Variants in PMF1 observed in about 807,000 individuals in gnomAD.
PMF1 encodes the protein polyamine modulated factor 1, also known as polyamine-modulated factor 1.
A neutral mutation model predicts 26.7 loss-of-function variants in PMF1; 21 were observed. The ratio of observed to expected loss-of-function variants is 0.79; its 90% CI spans 0.56 to 1.13. The LOEUF (loss-of-function observed/expected upper bound fraction) is 1.13, where lower values mean the gene tolerates loss of function less well. Ranked by LOEUF, PMF1 falls within the 50% of genes most tolerant of loss-of-function variation. PMF1 has a pLI of 0.00. For synonymous variants in PMF1, 105 were observed against 101.0 expected, an observed-to-expected ratio of 1.04 and a Z score of -0.24; for missense variants, 266 against 254.9, an observed-to-expected ratio of 1.04 and a Z score of -0.30.
intron 3 of PMF1, 131 bp downstream of exon 3, chr1:156,233,859 T>G: frequency 1.3e-6 from 1 of 784,662 alleles, no homozygotes. Flanking sequence ...TAAGCTGTCC[T>G]CCCACCTTGA....
At chr1:156,231,815 C>T (rs1010573005) in intron 1 of PMF1, among the ~76,000 whole-genome samples, 1 of 152,176 alleles carries the variant, frequency 6.6e-6, no homozygotes, top group African/African-American at 2.4e-5. Context: ...TGCCCTCAGG[C>T]CAGGGCCCCC....
intron 1 of PMF1, among the ~76,000 whole-genome samples, chr1:156,229,762 G>A (rs1014753890): frequency 2.6e-5 from 4 of 152,020 alleles, no homozygotes; most frequent in Non-Finnish European, 5.9e-5. Flanking sequence ...TAGTAGAGAC[G>A]AGGTTTCTCC....
At position 156,239,753 on chromosome 1, in the gene PMF1, A is replaced by T. The variant is rs1659241702; in HGVS notation, c.*152A>T. ...TTTGCTGGAGGACTAGGCCAGAGCA[A>T]GCCTCACTGCCACTGTGCCTTTGGG... is the stretch of plus-strand genomic sequence containing the variant. On this transcript the variant is annotated 3_prime_UTR_variant, in exon 5 of 5. Transcript: ENST00000368277. 1.5e-6 allele frequency: 1 copy of T among 648,300 alleles called. No individual in the cohort carries two copies. The allele number at this position is 648,300 out of a possible 1,614,324, so 40.2% of individuals were successfully genotyped here.
intron 1 of PMF1, among the ~76,000 whole-genome samples, chr1:156,228,881 C>T (rs989230176): frequency 3.9e-5 from 6 of 152,092 alleles, no homozygotes; most frequent in African/African-American, 1.4e-4. Flanking sequence ...GAATGCCCAT[C>T]GTCTATTCTG....
rs369050130 is a variant in PMF1 at position 156,213,060 on chromosome 1, A to G, written c.45A>G (p.Glu15=). 6.8e-6 allele frequency: 11 copies of G among 1,614,210 alleles called. No homozygotes were observed. Among genetic ancestry groups the G allele is most frequent in the Non-Finnish European group, 9.3e-6 (11 of 1,180,016 alleles). ...SSANLGSGCE[E]KRHEGSSSES... is the part of the protein sequence containing the mutation. ...CCAATCTAGGCAGCGGCTGTGAGGA[A>G]AAAAGGCATGAGGGGTCGTCTTCGG... Residue 15 remains glutamate (E), a synonymous_variant, in exon 1 of 5, where the codon GAA becomes GAG. Coordinates refer to ENST00000368277, the MANE Select transcript of PMF1 (RefSeq NM_007221.4).
chr1:156,229,302 C>A (rs1658563647), intron 1 of PMF1, among the ~76,000 whole-genome samples: 1 of 151,898 alleles, frequency 6.6e-6, no homozygotes, highest in Admixed American at 6.6e-5. Context: ...CCACTCTGAC[C>A]CAGAAGTGTA....
chr1:156,225,430 G>T (rs1300805442), intron 1 of PMF1: 7 of 609,878 alleles, frequency 1.1e-5, no homozygotes, highest in African/African-American at 1.8e-5. Flanking sequence ...CCAGTATGTA[G>T]TCTTTTATCC....
At position 156,232,435 on chromosome 1, in the gene PMF1, G is replaced by A. The variant is rs750038802; in HGVS notation, c.267+10G>A. On this transcript the variant is annotated intron_variant, in intron 2 of 4. Transcript: ENST00000368277. ...GCAGACATCTATCCGGGTGAGTGGC[G>A]GGAAGCCTGGCAGGTGCTGTTGACT... The A allele has an allele frequency of 4.2e-5, 68 of 1,612,918 alleles. No individual in the cohort carries two copies. In the South Asian group the frequency reaches 6.0e-4, roughly 14 times the overall value.
At position 156,225,691 on chromosome 1, in the gene PMF1, G is replaced by T. The variant is rs72708297; in HGVS notation, c.162-6629G>T. Reference sequence around the variant, plus strand: ...AAGGCAAGTCCTGGCTCCTTTTTTGGCTCCCTTAGCACTGTGTACACCGTG... The same window carrying T: ...AAGGCAAGTCCTGGCTCCTTTTTTGTCTCCCTTAGCACTGTGTACACCGTG... On this transcript the variant is annotated intron_variant, in intron 1 of 4. Transcript: ENST00000368277. 2.6e-3 allele frequency: 3,366 copies of T among 1,299,362 alleles called. 9 individuals carry two copies. Among genetic ancestry groups the T allele is most frequent in the Non-Finnish European group, 3.4e-3 (3,103 of 917,514 alleles). The allele number at this position is 1,299,362 out of a possible 1,614,324, so 80.5% of individuals were successfully genotyped here. A position where few individuals can be genotyped will look rare whatever the true frequency, so the allele number is the denominator to read the frequency against.
At chr1:156,220,230 C>A (rs1658008189) in intron 1 of PMF1, among the ~76,000 whole-genome samples, 1 of 151,960 alleles carries the variant, frequency 6.6e-6, no homozygotes, top group Admixed American at 6.6e-5. Flanking sequence ...TCCCAAAGTG[C>A]TGGGATTACA....
In PMF1 at chr1:156,221,674, A is replaced by G. The variant is rs533406646; in HGVS notation, c.161+8498A>G. Among the ~76,000 whole-genome samples the G allele has an allele frequency of 6.6e-5, 10 of 152,330 alleles. No individual in the cohort carries two copies. The South Asian group carries it at 2.1e-3, about 32-fold the overall frequency. ...TGAGTTTCAGACCTCTAACTCCAAC[A>G]GTCTACTACTACAAATCTCCATTTG... On this transcript the variant is annotated intron_variant, in intron 1 of 4. Transcript: ENST00000368277.
chr1:156,223,270 C>G (rs1658182092), intron 1 of PMF1: 1 of 152,254 alleles, frequency 6.6e-6, no homozygotes, highest in Non-Finnish European at 1.5e-5. Context: ...AGCTGTGCTT[C>G]CTGAAGCCAC....
In PMF1 at chr1:156,239,670, G is replaced by C. The variant is rs1261082019; in HGVS notation, c.*69G>C. On this transcript the variant is annotated 3_prime_UTR_variant, in exon 5 of 5. Coordinates refer to ENST00000368277, the MANE Select transcript of PMF1 (RefSeq NM_007221.4). ...GCCTGTGGTCCAGCATGCCTGGCCT[G>C]GGCGGGCTACCTCTGAGAACGGCTG... is the stretch of plus-strand genomic sequence containing the variant. 1.8e-5 allele frequency: 24 copies of C among 1,347,184 alleles called. No individual in the cohort carries two copies. Among genetic ancestry groups the C allele is most frequent in the Admixed American group, 5.2e-5 (3 of 57,712 alleles). 83.5% of individuals were successfully genotyped at this position (1,347,184 alleles called of 1,614,324 possible). A position where few individuals can be genotyped will look rare whatever the true frequency, so the allele number is the denominator to read the frequency against.
At chr1:156,214,594 T>C (rs1318669815) in intron 1 of PMF1, among the ~76,000 whole-genome samples, 1 of 152,076 alleles carries the variant, frequency 6.6e-6, no homozygotes, top group Non-Finnish European at 1.5e-5. Context: ...AAGGCCATTA[T>C]TATGTGTCAA....
chr1:156,228,208 G>A (rs921127391), intron 1 of PMF1, among the ~76,000 whole-genome samples: 2 of 132,122 alleles, frequency 1.5e-5, no homozygotes, highest in Non-Finnish European at 3.2e-5. Context: ...TGCCCGCCTC[G>A]GCCTCCCAAA....
chr1:156,237,792 T>C (rs1396450531), intron 4 of PMF1, among the ~76,000 whole-genome samples: 1 of 152,104 alleles, frequency 6.6e-6, no homozygotes, highest in Non-Finnish European at 1.5e-5. Context: ...AGTCTTGCTC[T>C]GTTGCCCAGG....
In PMF1 at chr1:156,217,159, A is replaced by G. The variant is rs1314499704; in HGVS notation, c.161+3983A>G. 1.2e-4 allele frequency among the ~76,000 whole-genome samples: 18 copies of G among 150,128 alleles called. 1 individual carries two copies. The Admixed American group carries it at 1.2e-3, about 10-fold the overall frequency. ...GATGACGAGTTAGTGGGTGCAGCGC[A>G]CCAGCATGGCACATGTATACATATG... On this transcript the variant is annotated intron_variant, in intron 1 of 4. Coordinates refer to ENST00000368277, the MANE Select transcript of PMF1 (RefSeq NM_007221.4).
At chr1:156,231,367 A>G (rs1198568833) in intron 1 of PMF1, among the ~76,000 whole-genome samples, 1 of 151,838 alleles carries the variant, frequency 6.6e-6, no homozygotes, top group African/African-American at 2.4e-5. Flanking sequence ...GTGTCACTGC[A>G]CTCCAGCCCA....
intron 1 of PMF1, among the ~76,000 whole-genome samples, chr1:156,228,168 TAGGTGATCTGCTCCTGACCTC>T (rs1020719962): frequency 4.7e-5 from 7 of 147,870 alleles, no homozygotes; most frequent in Non-Finnish European, 8.9e-5. Flanking sequence ...CTCCTGACCT[TAGGTGATCTGCTCCTGACCTC>T]AGGTGATCTG....
Sources: gnomAD v4.1 joint callset for allele counts (sites outside exome capture counted in the v4.1 genomes callset) on GRCh38, gnomAD v4.1.1 for gene constraint, MANE v1.5 for transcripts, NCBI Gene and HGNC (gene_info 2026-07-23, HGNC 2026-07-21) for gene names.